Variants in USP9X observed in about 807,000 individuals in gnomAD.
The protein encoded by USP9X is ubiquitin carboxyl-terminal hydrolase 9X.
Under a neutral mutation model 190.3 loss-of-function variants are expected in USP9X, and 7 were observed. That is an observed-to-expected ratio of 0.04 (90% CI 0.02 to 0.07). The LOEUF is 0.07. Among genes scored for constraint, USP9X ranks in the 10% least tolerant of loss-of-function variants. USP9X has a pLI of 1.00. For missense variants in USP9X, 1,010 were observed against 1,916.9 expected (o/e 0.53, Z 8.83); for synonymous variants, 645 against 659.5 (o/e 0.98, Z 0.34).
intron 1 of USP9X, among the ~76,000 whole-genome samples, chrX:41,092,987 C>T (rs2061965076): frequency 9.0e-6 from 1 of 111,020 alleles, no homozygotes; most frequent in Non-Finnish European, 1.9e-5. Context: ...ATCCTCGCAC[C>T]TCAGCCTGCC....
chrX:41,188,269 T>TA (rs1380745063), intron 25 of USP9X, 152 bp downstream of exon 25: 1 of 621,220 alleles, frequency 1.6e-6, no homozygotes, highest in East Asian at 3.9e-5. Flanking sequence ...GAGAATATGG[T>TA]AAAATTTTAC....
chrX:41,122,166 A>G (rs1009595792), intron 1 of USP9X, among the ~76,000 whole-genome samples: 1 of 110,734 alleles, frequency 9.0e-6, no homozygotes, highest in Non-Finnish European at 1.9e-5. Context: ...TTCTCTCACA[A>G]TTCTGAAGGC....
intron 4 of USP9X, among the ~76,000 whole-genome samples, chrX:41,133,207 C>A (rs775923068): frequency 4.5e-5 from 5 of 111,945 alleles, no homozygotes; most frequent in Admixed American, 3.8e-4. Flanking sequence ...CCTTATGCCT[C>A]ATTAATCTTG....
chrX:41,168,134 T>C lies in USP9X; in HGVS notation c.2552T>C (p.Val851Ala). ...GCAAGACAGGAAGCTGTTCGAATGGTTCGAGTATTAACTGTTTTAAGGGAA... is the reference window on the plus strand; with the variant it reads ...GCAAGACAGGAAGCTGTTCGAATGGCTCGAGTATTAACTGTTTTAAGGGAA... ...NCARQEAVRM[V>A]RVLTVLREYI... Residue 851 changes from valine (V) to alanine (A), a missense_variant, in exon 18 of 45, where the codon GTT (valine) becomes GCT (alanine). Around this residue, in one of 11 missense-constraint regions of USP9X, gnomAD observed 104 missense variants for 239.8 expected, o/e 0.43. Coordinates refer to ENST00000378308, the MANE Select transcript of USP9X (RefSeq NM_001039591.3). 8.3e-7 allele frequency: 1 copy of C among 1,211,311 alleles called. No homozygotes were observed. The highest frequency in any genetic ancestry group is 1.1e-6 in the Non-Finnish European group (1 of 895,222).
chrX:41,131,053 G>A (rs1433576013), intron 3 of USP9X, among the ~76,000 whole-genome samples: 4 of 109,773 alleles, frequency 3.6e-5, no homozygotes, highest in Non-Finnish European at 5.7e-5. Flanking sequence ...AAAAAAAAAA[G>A]GGGGGTGGCG....
chrX:41,123,563 A>G lies in USP9X; in HGVS notation c.-66A>G, dbSNP rs2055891238. ...GTACTTCATCTTCTATAAGTGGACT[A>G]TAATTTCTTTTCTCAAGACAACTAC... On this transcript the variant is annotated 5_prime_UTR_variant, in exon 2 of 45. Coordinates refer to ENST00000378308, the MANE Select transcript of USP9X (RefSeq NM_001039591.3). 1 of 947,718 alleles carries G rather than the reference A, an allele frequency of 1.1e-6. No individual in the cohort carries two copies. The highest frequency in any genetic ancestry group is 2.5e-5 in the Admixed American group (1 of 40,654). 78.1% of individuals were successfully genotyped at this position (947,718 alleles called of 1,213,427 possible).
chrX:41,210,040 A>G (rs2063144770), intron 32 of USP9X, among the ~76,000 whole-genome samples: 1 of 112,219 alleles, frequency 8.9e-6, no homozygotes, highest in Non-Finnish European at 1.9e-5. Flanking sequence ...TGGGAAAAAA[A>G]TAAATTTAAG....
At chrX:41,183,965 T>TA in intron 21 of USP9X, 33 bp from the exon 22 acceptor site, 1 of 1,182,949 alleles carries the variant, frequency 8.5e-7, no homozygotes, top group Non-Finnish European at 1.1e-6. Context: ...ACACATGAAT[T>TA]ACATTTTCAC....
chrX:41,140,917 T>C (rs750359957), intron 7 of USP9X, 49 bp from the exon 8 acceptor site: 2 of 1,129,762 alleles, frequency 1.8e-6, no homozygotes, highest in African/African-American at 3.7e-5. Flanking sequence ...CCTAAATTGA[T>C]TTTAAGAAAT....
At chrX:41,096,563 C>T (rs1256290349) in intron 1 of USP9X, among the ~76,000 whole-genome samples, 1 of 111,664 alleles carries the variant, frequency 9.0e-6, no homozygotes, top group South Asian at 3.7e-4. Context: ...CTGCCTCTGC[C>T]TCTCAAGTAG....
chrX:41,229,219 A>G, intron 41 of USP9X, 34 bp from the exon 42 acceptor site: 1 of 1,107,587 alleles, frequency 9.0e-7, no homozygotes, highest in Non-Finnish European at 1.2e-6. Context: ...ATTAGATTTT[A>G]GATGTTTTTA....
chrX:41,184,235 G>T (rs1462532615), intron 22 of USP9X, 107 bp downstream of exon 22: 1 of 1,008,549 alleles, frequency 9.9e-7, no homozygotes, highest in East Asian at 3.2e-5. Flanking sequence ...GAATGATTTG[G>T]GTAAAATTGT....
intron 18 of USP9X, 75 bp from the exon 19 acceptor site, chrX:41,169,920 C>T: frequency 8.8e-7 from 1 of 1,132,894 alleles, no homozygotes; most frequent in Non-Finnish European, 1.2e-6. Context: ...GTTAAATCCC[C>T]AGCATTATTT....
chrX:41,151,150 A>T lies in USP9X; in HGVS notation c.1763+93A>T, dbSNP rs769367632. The T allele has an allele frequency of 4.3e-4, 392 of 904,196 alleles. 1 individual carries two copies. In the African/African-American group the frequency reaches 7.0e-3, roughly 16 times the overall value. The allele number at this position is 904,196 out of a possible 1,213,427, so 74.5% of individuals were successfully genotyped here. A position where few individuals can be genotyped will look rare whatever the true frequency, so the allele number is the denominator to read the frequency against. ...TATTGGCTGGCAAATGCAAATTTTT[A>T]AATTAGTGGAGTGAGAAGAGGCTAT... On this transcript the variant is annotated intron_variant, in intron 13 of 44. Coordinates refer to ENST00000378308, the MANE Select transcript of USP9X (RefSeq NM_001039591.3).
At chrX:41,124,946 A>C (rs780859080) in intron 2 of USP9X, among the ~76,000 whole-genome samples, 1 of 112,407 alleles carries the variant, frequency 8.9e-6, no homozygotes, top group South Asian at 3.6e-4. Context: ...CAAAACTCAT[A>C]GGGTGTACCT....
intron 1 of USP9X, among the ~76,000 whole-genome samples, chrX:41,101,103 T>C (rs1475029421): frequency 8.9e-6 from 1 of 112,054 alleles, no homozygotes; most frequent in Non-Finnish European, 1.9e-5. Context: ...ATTTTCGTCT[T>C]TTATATACTA....
intron 4 of USP9X, among the ~76,000 whole-genome samples, chrX:41,131,772 A>G (rs1416200674): frequency 9.0e-6 from 1 of 111,693 alleles, no homozygotes. Context: ...TCAGATTTGC[A>G]AAGAGGTTGT....
intron 33 of USP9X, among the ~76,000 whole-genome samples, chrX:41,214,295 T>TTCACCAATAATTC (rs2063191302): frequency 8.9e-6 from 1 of 111,887 alleles, no homozygotes; most frequent in Admixed American, 9.5e-5. Context: ...AACTTTAAAA[T>TTCACCAATAATTC]ACCATTTCAC....
chrX:41,102,231 T>A (rs1166789597), intron 1 of USP9X, among the ~76,000 whole-genome samples: 1 of 112,152 alleles, frequency 8.9e-6, no homozygotes, highest in Non-Finnish European at 1.9e-5. Flanking sequence ...TTGAAATTTT[T>A]TGGTGTACTT....
Sources: allele counts gnomAD v4.1 joint callset (sites outside exome capture counted in the v4.1 genomes callset), GRCh38; gene constraint gnomAD v4.1.1; regional missense constraint gnomAD v4.1.1; transcripts MANE v1.5; gene names NCBI Gene and HGNC (gene_info 2026-07-23, HGNC 2026-07-21).